The following NPHP4 variants were observed in gnomAD, a reference collection of about 807,000 sequenced individuals.
NPHP4 encodes nephrocystin-4.
Under a neutral mutation model 155.8 loss-of-function variants are expected in NPHP4, and 151 were observed. The ratio of observed to expected loss-of-function variants is 0.97; its 90% CI spans 0.85 to 1.11. NPHP4 has a LOEUF of 1.11. NPHP4 is among the 50% of genes least tolerant of loss of function. NPHP4 has a pLI of 0.00. For missense variants in NPHP4, 1,956 were observed against 1,925.7 expected (o/e 1.02, Z -0.29); for synonymous variants, 845 against 816.8 (o/e 1.03, Z -0.59).
chr1:5,943,909 C>T (rs938523970), intron 9 of NPHP4, among the ~76,000 whole-genome samples: 4 of 151,926 alleles, frequency 2.6e-5, no homozygotes, highest in Non-Finnish European at 5.9e-5. Flanking sequence ...TCCAATAGCC[C>T]AGGTGGAACG....
At chr1:5,922,840 C>T (rs1307129068) in intron 11 of NPHP4, among the ~76,000 whole-genome samples, 1 of 151,256 alleles carries the variant, frequency 6.6e-6, no homozygotes, top group Admixed American at 6.6e-5. Context: ...GCACTGCCTG[C>T]AGTCCTGGCT....
Position 5,873,207 on chromosome 1 carries a change from A to G in NPHP4, c.3315+45T>C, listed in dbSNP as rs1360470446. ...GACACAAGGGTCAGGCCCTGGGAATACCCAGGAAGCCCCGAGATCAGTTTG... is the reference window on the plus strand; with the variant it reads ...GACACAAGGGTCAGGCCCTGGGAATGCCCAGGAAGCCCCGAGATCAGTTTG... On this transcript the variant is annotated intron_variant, in intron 23 of 29. Coordinates refer to ENST00000378156, the MANE Select transcript of NPHP4 (RefSeq NM_015102.5). 5.4e-6 allele frequency: 8 copies of G among 1,486,060 alleles called. No individual in the cohort carries two copies. In the African/African-American group the frequency reaches 8.3e-5, roughly 15 times the overall value. The allele number at this position is 1,486,060 out of a possible 1,614,324, so 92.1% of individuals were successfully genotyped here.
At position 5,961,785 on chromosome 1, in the gene NPHP4, C is replaced by T. The variant is rs368961102; in HGVS notation, c.673+9G>A. On this transcript the variant is annotated intron_variant, in intron 6 of 29. Coordinates refer to ENST00000378156, the MANE Select transcript of NPHP4 (RefSeq NM_015102.5). The stretch of plus-strand genomic sequence containing the variant: ...CTCACCAAGTGGAGAGAATCAAAGA[C>T]GCCCTTACCGGATTCTCCATGAGCT... The T allele has an allele frequency of 2.1e-4, 345 of 1,607,682 alleles. No homozygotes were observed. Among genetic ancestry groups the T allele is most frequent in the Non-Finnish European group, 2.6e-4 (310 of 1,176,988 alleles).
At chr1:5,979,396 G>A (rs938549589) in intron 2 of NPHP4, among the ~76,000 whole-genome samples, 2 of 152,090 alleles carry the variant, frequency 1.3e-5, no homozygotes, top group Non-Finnish European at 2.9e-5. Flanking sequence ...AACAAGGGGG[G>A]CATGAGAAGA....
At chr1:5,888,367 A>C (rs1273011367) in intron 17 of NPHP4, 3 of 1,084,696 alleles carry the variant, frequency 2.8e-6, no homozygotes, top group African/African-American at 1.7e-5. Flanking sequence ...CTCACATAAG[A>C]AGCAGTGTGG....
At chr1:5,927,965 TG>T (rs765969977) in intron 10 of NPHP4, among the ~76,000 whole-genome samples, 178 bp from the exon 11 acceptor site, 4 of 152,176 alleles carry the variant, frequency 2.6e-5, no homozygotes, top group Non-Finnish European at 4.4e-5. Flanking sequence ...GCAATTGGTG[TG>T]GCATTAAAAG....
chr1:5,902,918 T>C (rs1644747509), intron 16 of NPHP4, among the ~76,000 whole-genome samples: 1 of 152,244 alleles, frequency 6.6e-6, no homozygotes, highest in Non-Finnish European at 1.5e-5. Flanking sequence ...AGTGACTGAC[T>C]TCTGATCTTG....
rs7520105 is a variant in NPHP4 at position 5,927,636 on chromosome 1, T to C, written c.1441+13A>G. On this transcript the variant is annotated intron_variant, in intron 11 of 29. Coordinates refer to ENST00000378156, the MANE Select transcript of NPHP4 (RefSeq NM_015102.5). ...CCATGTGCCTGGCCAGTCAGCTCTC[T>C]GGAAACACTTACTCGAAGGGGACGT... The C allele has an allele frequency of 0.16, 258,402 of 1,595,044 alleles. 21,666 individuals carry two copies. The highest frequency in any genetic ancestry group is 0.21 in the African/African-American group (16,031 of 74,632).
intron 2 of NPHP4, among the ~76,000 whole-genome samples, chr1:5,981,303 G>C (rs1654649152): frequency 6.6e-6 from 1 of 152,154 alleles, no homozygotes; most frequent in African/African-American, 2.4e-5. Context: ...TTCACATCCA[G>C]TCTATTCAAA....
At chr1:5,879,473 A>C (rs772214775) in intron 19 of NPHP4, 4 of 511,544 alleles carry the variant, frequency 7.8e-6, no homozygotes, top group Middle Eastern at 3.2e-4. Context: ...TCTTCTGTTC[A>C]CAACATAGGG....
chr1:5,898,158 C>T (rs1364595158), intron 16 of NPHP4, among the ~76,000 whole-genome samples: 1 of 152,178 alleles, frequency 6.6e-6, no homozygotes, highest in East Asian at 1.9e-4. Context: ...ATCCAAAATT[C>T]AATTACTTCA....
At chr1:5,946,372 G>A (rs1478944902) in intron 9 of NPHP4, among the ~76,000 whole-genome samples, 2 of 152,146 alleles carry the variant, frequency 1.3e-5, no homozygotes, top group Non-Finnish European at 2.9e-5. Context: ...AGTTCCCTAT[G>A]AGAAACCATC....
intron 9 of NPHP4, among the ~76,000 whole-genome samples, chr1:5,935,509 C>G (rs1017574862): frequency 3.3e-5 from 5 of 152,238 alleles, no homozygotes; most frequent in Admixed American, 3.3e-4. Context: ...TAGCTGACAA[C>G]AGATTATAAA....
intron 26 of NPHP4, 59 bp downstream of exon 26, chr1:5,866,314 G>A (rs1244120518): frequency 1.7e-6 from 2 of 1,143,608 alleles, no homozygotes; most frequent in Non-Finnish European, 2.6e-6. Flanking sequence ...AGCAGCCCCA[G>A]GCCTGCCTCC....
intron 6 of NPHP4, among the ~76,000 whole-genome samples, chr1:5,953,783 C>T (rs1648655684): frequency 1.3e-5 from 2 of 152,230 alleles, no homozygotes; most frequent in Admixed American, 1.3e-4. Flanking sequence ...AGAGCAAAGG[C>T]TCATCCAGGA....
intron 1 of NPHP4, among the ~76,000 whole-genome samples, chr1:5,990,431 AGTGGGCTCTCCAG>A (rs1656061354): frequency 6.6e-6 from 1 of 152,076 alleles, no homozygotes; most frequent in Non-Finnish European, 1.5e-5. Context: ...AAAAGGGTAC[AGTGGGCTCTCCAG>A]GGGAAAAAAA....
In NPHP4 at chr1:5,948,117, C is replaced by T. The variant is rs115272639; in HGVS notation, c.945G>A (p.Thr315=). ...CTTTCCTGCTGAAGCTAGCTGAGCG[C>T]GTCAAGGCCACATCCATCTCAGGCA... ...VLVPEMDVAL[T]RSASFSRKVV... The change falls in exon 8 of 30, where the codon ACG becomes ACA. Residue 315 remains threonine, a synonymous_variant. Transcript: ENST00000378156. 295 of 1,613,876 alleles carry T rather than the reference C, an allele frequency of 1.8e-4. No individual in the cohort carries two copies. In the African/African-American group the frequency reaches 3.5e-3, roughly 19 times the overall value.
intron 2 of NPHP4, 108 bp downstream of exon 2, chr1:5,986,047 A>C: frequency 7.6e-7 from 1 of 1,315,380 alleles, no homozygotes; most frequent in Non-Finnish European, 1.1e-6. Flanking sequence ...TAAAGTAGCA[A>C]AATCAAAAAT....
At chr1:5,864,247 T>C (rs1640952284) in intron 28 of NPHP4, 91 bp downstream of exon 28, 2 of 1,294,930 alleles carry the variant, frequency 1.5e-6, no homozygotes, top group African/African-American at 3.0e-5. Context: ...CTGTATCCAG[T>C]GGTCCGAGTC....
Sources: gnomAD v4.1 joint callset for allele counts (sites outside exome capture counted in the v4.1 genomes callset) on GRCh38, gnomAD v4.1.1 for gene constraint, MANE v1.5 for transcripts, NCBI Gene and HGNC (gene_info 2026-07-23, HGNC 2026-07-21) for gene names.